C8orf34: variants seen among roughly 807,000 people sequenced by gnomAD.
C8orf34 encodes the protein chromosome 8 open reading frame 34, also known as uncharacterized protein C8orf34.
Under a neutral mutation model 68.3 loss-of-function variants are expected in C8orf34, and 65 were observed. The ratio of observed to expected loss-of-function variants is 0.95; its 90% CI spans 0.78 to 1.17. C8orf34 has a LOEUF of 1.17. Among genes scored for constraint, C8orf34 ranks in the 50% most tolerant of loss-of-function variants. The pLI, the probability that C8orf34 is intolerant of heterozygous loss-of-function variation, is 0.00. For synonymous variants in C8orf34, 244 were observed against 241.2 expected, an observed-to-expected ratio of 1.01 and a Z score of -0.11; for missense variants, 664 against 655.4, an observed-to-expected ratio of 1.01 and a Z score of -0.14.
At chr8:68,425,906 A>G (rs145586916) in intron 1 of C8orf34, among the ~76,000 whole-genome samples, 56 of 152,316 alleles carry the variant, frequency 3.7e-4, no homozygotes, top group Non-Finnish European at 7.5e-4. Context: ...AAGACACAAA[A>G]GTAATTCAAT....
chr8:68,606,631 A>G (rs1038626937), intron 7 of C8orf34, among the ~76,000 whole-genome samples: 2 of 152,108 alleles, frequency 1.3e-5, no homozygotes, highest in Non-Finnish European at 2.9e-5. Context: ...ATTTGTAGCT[A>G]AATCAACACA....
rs1242128072 is a variant in C8orf34 at position 68,466,765 on chromosome 8, A to ATATATATATATATATATATATATATG, written c.608-1927_608-1926insTATATATATATATATATATATATATG. The stretch of plus-strand genomic sequence containing the variant: ...TATATATATATATATATATATATAT[A>ATATATATATATATATATATATATATG]GATGCTTTCATTTCTTTATGATGAC... On this transcript the variant is annotated intron_variant, in intron 3 of 13. Coordinates refer to ENST00000518698, the MANE Select transcript of C8orf34 (RefSeq NM_052958.4). 1.2e-3 allele frequency among the ~76,000 whole-genome samples: 148 copies of ATATATATATATATATATATATATATG among 123,270 alleles called. 10 individuals carry two copies. Among genetic ancestry groups the ATATATATATATATATATATATATATG allele is most frequent in the African/African-American group, 1.5e-3 (48 of 32,072 alleles). The allele number at this position is 123,270 out of a possible 152,430, so 80.9% of individuals were successfully genotyped here.
chr8:68,794,894 G>A (rs1048229593), intron 12 of C8orf34, among the ~76,000 whole-genome samples: 1 of 152,022 alleles, frequency 6.6e-6, no homozygotes, highest in African/African-American at 2.4e-5. Flanking sequence ...TGCTCAAAAT[G>A]TTTTAGATTT....
At chr8:68,715,024 G>A (rs1005044411) in intron 9 of C8orf34, among the ~76,000 whole-genome samples, 2 of 152,120 alleles carry the variant, frequency 1.3e-5, no homozygotes, top group African/African-American at 4.8e-5. Context: ...ATAAAGTGGG[G>A]AAGGGACACC....
chr8:68,565,232 C>T (rs552577880), intron 7 of C8orf34, among the ~76,000 whole-genome samples: 4 of 152,192 alleles, frequency 2.6e-5, no homozygotes, highest in African/African-American at 4.8e-5. Context: ...GCACTGTAGT[C>T]GTGATGTTTT....
At chr8:68,367,932 A>AAAAAAAAAAAT (rs1807378307) in intron 1 of C8orf34, among the ~76,000 whole-genome samples, 1 of 147,828 alleles carries the variant, frequency 6.8e-6, no homozygotes, top group Non-Finnish European at 1.5e-5. Context: ...AAAAAAAAAA[A>AAAAAAAAAAAT]AAAAAGAAAA....
At chr8:68,654,143 C>T (rs1026121538) in intron 8 of C8orf34, among the ~76,000 whole-genome samples, 36 of 152,120 alleles carry the variant, frequency 2.4e-4, no homozygotes, top group Middle Eastern at 6.8e-3. Context: ...ATAAAAGAGG[C>T]CTAAGGAAGC....
At chr8:68,560,257 AAAG>A (rs1283170781) in intron 7 of C8orf34, among the ~76,000 whole-genome samples, 1 of 150,820 alleles carries the variant, frequency 6.6e-6, no homozygotes, top group Admixed American at 6.6e-5. Context: ...TGCAGTAGGG[AAAG>A]AAGGAGGAGT....
At chr8:68,413,925 T>C (rs569563077) in intron 1 of C8orf34, among the ~76,000 whole-genome samples, 1 of 152,340 alleles carries the variant, frequency 6.6e-6, no homozygotes, top group African/African-American at 2.4e-5. Context: ...ACCTTTGCTC[T>C]GCAAGGTTAG....
intron 10 of C8orf34, among the ~76,000 whole-genome samples, chr8:68,731,135 T>C (rs576789902): frequency 2.0e-5 from 3 of 152,288 alleles, no homozygotes; most frequent in Non-Finnish European, 2.9e-5. Flanking sequence ...GGAAAAACAT[T>C]AAATTACCCA....
rs889352411 is a variant in C8orf34, at chr8:68,339,794, A to C, written c.327+8455A>C. ...AACTGTAAAAAAATCAATAAAATGG[A>C]CTTATTTAAAATTAAACATTTGTTC... On this transcript the variant is annotated intron_variant, in intron 1 of 13. Coordinates refer to ENST00000518698, the MANE Select transcript of C8orf34 (RefSeq NM_052958.4). Among the ~76,000 whole-genome samples, 16 of 152,182 alleles carry C rather than the reference A, an allele frequency of 1.1e-4. No individual in the cohort carries two copies. The East Asian group carries it at 1.7e-3, about 16-fold the overall frequency.
At chr8:68,607,876 C>T (rs1328710738) in intron 7 of C8orf34, among the ~76,000 whole-genome samples, 2 of 151,918 alleles carry the variant, frequency 1.3e-5, no homozygotes, top group African/African-American at 2.4e-5. Flanking sequence ...AGCTAAGATA[C>T]GTTCAAAAGG....
At chr8:68,605,260 G>C (rs1357438682) in intron 7 of C8orf34, among the ~76,000 whole-genome samples, 1 of 152,112 alleles carries the variant, frequency 6.6e-6, no homozygotes, top group Non-Finnish European at 1.5e-5. Flanking sequence ...ATTCCTGGTA[G>C]GAATGCGAAA....
intron 1 of C8orf34, among the ~76,000 whole-genome samples, chr8:68,435,987 A>G (rs975315992): frequency 6.6e-6 from 1 of 152,250 alleles, no homozygotes; most frequent in Admixed American, 6.5e-5. Context: ...GCAGGTGGAT[A>G]ACTTGAGGTC....
chr8:68,794,478 TATAA>T (rs200207732), intron 12 of C8orf34, among the ~76,000 whole-genome samples: 5 of 109,762 alleles, frequency 4.6e-5, no homozygotes, highest in South Asian at 5.2e-4. Context: ...AGTATATAAA[TATAA>T]ATATATATAT....
chr8:68,571,119 A>C (rs1259755498), intron 7 of C8orf34, among the ~76,000 whole-genome samples: 1 of 152,108 alleles, frequency 6.6e-6, no homozygotes, highest in African/African-American at 2.4e-5. Flanking sequence ...CTATTCTTGG[A>C]AATAAAACAT....
intron 8 of C8orf34, among the ~76,000 whole-genome samples, chr8:68,649,206 C>A (rs1563584935): frequency 6.6e-6 from 1 of 152,140 alleles, no homozygotes; most frequent in Non-Finnish European, 1.5e-5. Flanking sequence ...CCATTTGAGT[C>A]ATGTATACAA....
intron 12 of C8orf34, among the ~76,000 whole-genome samples, chr8:68,794,493 ATATATATATATAT>A (rs1194429559): frequency 0.06 from 5,718 of 95,044 alleles, 307 homozygotes; most frequent in East Asian, 0.27. Context: ...ATATATATAT[ATATATATATATAT>A]TTTTTTTTTT....
At chr8:68,465,661 T>C (rs1812086502) in intron 3 of C8orf34, among the ~76,000 whole-genome samples, 1 of 151,946 alleles carries the variant, frequency 6.6e-6, no homozygotes, top group South Asian at 2.1e-4. Context: ...GGGACACGGA[T>C]GAAATTGGAA....
Sources: gnomAD v4.1 joint callset for allele counts (sites outside exome capture counted in the v4.1 genomes callset) on GRCh38, gnomAD v4.1.1 for gene constraint, MANE v1.5 for transcripts, NCBI Gene and HGNC (gene_info 2026-07-23, HGNC 2026-07-21) for gene names.